Variants in LRRTM4 observed in about 807,000 individuals in gnomAD.
LRRTM4 encodes leucine rich repeat transmembrane neuronal 4.
A neutral mutation model predicts 47.6 loss-of-function variants in LRRTM4; 25 were observed. The observed-to-expected ratio is 0.53, with a 90% CI of 0.38 to 0.73. LRRTM4 has a LOEUF of 0.73. Among genes scored for constraint, LRRTM4 ranks in the 30% least tolerant of loss-of-function variants. The pLI is 0.00. For missense variants in LRRTM4, 638 were observed against 713.4 expected (o/e 0.89, Z 1.20); for synonymous variants, 311 against 269.5 (o/e 1.15, Z -1.51).
intron 3 of LRRTM4, among the ~76,000 whole-genome samples, chr2:76,765,530 T>A (rs1205454690): frequency 6.6e-6 from 1 of 152,162 alleles, no homozygotes; most frequent in Non-Finnish European, 1.5e-5. Flanking sequence ...GTTGGAAAAC[T>A]GATCCACTAG....
intron 3 of LRRTM4, among the ~76,000 whole-genome samples, chr2:77,336,470 C>T (rs1253418799): frequency 2.0e-5 from 3 of 152,026 alleles, no homozygotes; most frequent in Non-Finnish European, 4.4e-5. Context: ...GAATCCTCAA[C>T]AGAATACTAG....
intron 3 of LRRTM4, among the ~76,000 whole-genome samples, chr2:77,085,242 T>C (rs1211792520): frequency 5.9e-5 from 9 of 152,032 alleles, no homozygotes; most frequent in Admixed American, 5.9e-4. Flanking sequence ...TATAAACTTT[T>C]TGAGTGATAC....
intron 3 of LRRTM4, among the ~76,000 whole-genome samples, chr2:76,883,118 C>G (rs1230256069): frequency 1.3e-5 from 2 of 152,052 alleles, no homozygotes; most frequent in East Asian, 3.9e-4. Context: ...GGCTATGTAT[C>G]CAGGTCTGTG....
chr2:76,953,552 G>A (rs958860721), intron 3 of LRRTM4, among the ~76,000 whole-genome samples: 1 of 151,764 alleles, frequency 6.6e-6, no homozygotes, highest in African/African-American at 2.4e-5. Context: ...TCATTTTTGG[G>A]AAGCTGCCCA....
chr2:76,913,899 G>GAAAGTGTA (rs1348010004), intron 3 of LRRTM4, among the ~76,000 whole-genome samples: 2 of 152,032 alleles, frequency 1.3e-5, no homozygotes, highest in African/African-American at 2.4e-5. Context: ...AATAATCATA[G>GAAAGTGTA]TGATAGGAAA....
chr2:77,328,405 G>A (rs1401468165), intron 3 of LRRTM4, among the ~76,000 whole-genome samples: 4 of 152,106 alleles, frequency 2.6e-5, no homozygotes, highest in South Asian at 2.1e-4. Flanking sequence ...CTTGCTGTTC[G>A]GGTTGACATT....
chr2:77,295,096 C>A (rs983033355), intron 3 of LRRTM4, among the ~76,000 whole-genome samples: 2 of 152,096 alleles, frequency 1.3e-5, no homozygotes, highest in African/African-American at 4.8e-5. Flanking sequence ...GCATTTCTAG[C>A]CATAGTGCTT....
chr2:77,059,489 C>T (rs1236605601), intron 3 of LRRTM4, among the ~76,000 whole-genome samples: 2 of 152,110 alleles, frequency 1.3e-5, no homozygotes, highest in Non-Finnish European at 2.9e-5. Context: ...GAGTGTGGTG[C>T]CAGTTCCTCC....
intron 3 of LRRTM4, among the ~76,000 whole-genome samples, chr2:76,900,772 A>C (rs1022807425): frequency 2.0e-5 from 3 of 152,204 alleles, no homozygotes; most frequent in African/African-American, 7.2e-5. Context: ...GAAATTAATC[A>C]TCTTCACAAA....
rs1000607161 is a variant in LRRTM4, at chr2:77,200,691, G to C, written c.1551+317627C>G. On this transcript the variant is annotated intron_variant, in intron 3 of 3. Transcript: ENST00000409884. ...ACAAGCTACAGCTCACTGCTACAAA[G>C]GTCAGCAGTTATAGTCCTCAGTGGA... Among the ~76,000 whole-genome samples the C allele has an allele frequency of 2.0e-5, 3 of 151,970 alleles. No homozygotes were observed. The East Asian group carries it at 5.8e-4, about 29-fold the overall frequency.
At chr2:77,087,418 G>A (rs984632625) in intron 3 of LRRTM4, among the ~76,000 whole-genome samples, 8 of 152,146 alleles carry the variant, frequency 5.3e-5, no homozygotes, top group African/African-American at 1.9e-4. Context: ...ATTTTTGTGT[G>A]GACCAGGAAA....
rs757109123 is a variant in LRRTM4 at position 76,856,444 on chromosome 2, G to A, written c.1552-107528C>T. ...ATATGTAAATATCAAAACAAACCAT[G>A]TACTGCTAAGGAATAATTAGCCTAC... On this transcript the variant is annotated intron_variant, in intron 3 of 3. Transcript: ENST00000409884. Among the ~76,000 whole-genome samples, 5 of 152,082 alleles carry A rather than the reference G, an allele frequency of 3.3e-5. No homozygotes were observed. The South Asian group carries it at 1.0e-3, about 31-fold the overall frequency.
chr2:77,369,490 G>A (rs900499467), intron 3 of LRRTM4, among the ~76,000 whole-genome samples: 1 of 151,694 alleles, frequency 6.6e-6, no homozygotes, highest in Non-Finnish European at 1.5e-5. Context: ...GACGAAAGTG[G>A]ACAATAGTTT....
intron 3 of LRRTM4, among the ~76,000 whole-genome samples, chr2:77,334,179 AG>A (rs1275219813): frequency 5.3e-5 from 8 of 152,174 alleles, no homozygotes; most frequent in Admixed American, 2.0e-4. Flanking sequence ...CAAAGCCAGA[AG>A]GGACTTGCCT....
At chr2:77,357,388 T>C (rs1016287238) in intron 3 of LRRTM4, among the ~76,000 whole-genome samples, 3 of 152,114 alleles carry the variant, frequency 2.0e-5, no homozygotes, top group Admixed American at 2.0e-4. Context: ...CTATAGAAAA[T>C]ACAAGATCAT....
intron 3 of LRRTM4, among the ~76,000 whole-genome samples, chr2:76,939,885 T>C (rs1432857046): frequency 1.3e-5 from 2 of 152,194 alleles, no homozygotes; most frequent in Non-Finnish European, 2.9e-5. Context: ...TCTTGCTTGA[T>C]ACCACTTAAT....
rs541781952 is a variant in LRRTM4, at chr2:77,428,073, G to A, written c.1551+90245C>T. Among the ~76,000 whole-genome samples the A allele has an allele frequency of 2.4e-4, 37 of 152,210 alleles. 1 individual carries two copies. The East Asian group carries it at 3.9e-3, about 16-fold the overall frequency. ...CACAAGATCTGATGGTTTTACAAGG[G>A]GTTTTCCCCACTTTTGCTTGACACT... is the stretch of plus-strand genomic sequence containing the variant. On this transcript the variant is annotated intron_variant, in intron 3 of 3. Transcript: ENST00000409884.
At chr2:77,093,323 T>C (rs1430874161) in intron 3 of LRRTM4, among the ~76,000 whole-genome samples, 2 of 149,438 alleles carry the variant, frequency 1.3e-5, no homozygotes, top group African/African-American at 5.1e-5. Flanking sequence ...TCTAATCAGA[T>C]GTCCTGAGTC....
At chr2:77,079,066 A>G (rs141886972) in intron 3 of LRRTM4, among the ~76,000 whole-genome samples, 4 of 152,308 alleles carry the variant, frequency 2.6e-5, no homozygotes, top group Non-Finnish European at 5.9e-5. Flanking sequence ...CCACTTTCTA[A>G]TACCATCACA....
Sources: gnomAD v4.1 joint callset for allele counts (sites outside exome capture counted in the v4.1 genomes callset) on GRCh38, gnomAD v4.1.1 for gene constraint, MANE v1.5 for transcripts, NCBI Gene and HGNC (gene_info 2026-07-23, HGNC 2026-07-21) for gene names.